Variants in ZBTB16 observed in about 807,000 individuals in gnomAD.
The protein encoded by ZBTB16 is zinc finger and BTB domain containing 16.
In ZBTB16, 8 loss-of-function variants were observed where a neutral mutation model predicts 56.8. The ratio of observed to expected loss-of-function variants is 0.14; its 90% CI spans 0.08 to 0.25. ZBTB16 has a LOEUF of 0.25. Among genes scored for constraint, ZBTB16 ranks in the 10% least tolerant of loss-of-function variants. The probability of loss-of-function intolerance (pLI) is 1.00; values close to 1 mark genes in which losing one functional copy is unlikely to be tolerated. For missense variants in ZBTB16, 625 were observed against 903.0 expected (o/e 0.69, Z 3.95); for synonymous variants, 363 against 368.5 (o/e 0.98, Z 0.17).
intron 4 of ZBTB16, among the ~76,000 whole-genome samples, chr11:114,230,470 T>C (rs777330521): frequency 8.5e-5 from 13 of 152,114 alleles, no homozygotes; most frequent in Non-Finnish European, 1.9e-4. Context: ...TTTTGGCTAT[T>C]GTGTGCCGTA....
chr11:114,167,384 TTG>T (rs147249178), intron 3 of ZBTB16, among the ~76,000 whole-genome samples: 18,333 of 99,880 alleles, frequency 0.18, 2,288 homozygotes, highest in African/African-American at 0.46. Context: ...GCGAGTTTTT[TTG>T]TTTTTTTTTT....
intron 2 of ZBTB16, among the ~76,000 whole-genome samples, chr11:114,079,246 A>G (rs1294311489): frequency 7.2e-5 from 11 of 152,156 alleles, no homozygotes; most frequent in Admixed American, 7.2e-4. Context: ...CACCTTGTCC[A>G]TGGTAATGAG....
At chr11:114,171,646 C>G (rs1376948027) in intron 3 of ZBTB16, among the ~76,000 whole-genome samples, 1 of 152,228 alleles carries the variant, frequency 6.6e-6, no homozygotes, top group Non-Finnish European at 1.5e-5. Context: ...GCCGGCGTGG[C>G]TTTCTTCCCT....
chr11:114,191,371 C>A (rs527942165), intron 4 of ZBTB16, among the ~76,000 whole-genome samples: 1 of 152,132 alleles, frequency 6.6e-6, no homozygotes, highest in East Asian at 1.9e-4. Flanking sequence ...TAAATACTTA[C>A]CACTGTGTTA....
At position 114,063,727 on chromosome 11, in the gene ZBTB16, G is replaced by A. The variant is rs1938980647; in HGVS notation, c.427G>A (p.Glu143Lys). 2 of 1,613,972 alleles carry A rather than the reference G, an allele frequency of 1.2e-6. No individual in the cohort carries two copies. The highest frequency in any genetic ancestry group is 2.2e-5 in the East Asian group (1 of 44,872). The change falls in exon 2 of 7, where the codon GAG becomes AAG. Residue 143 changes from glutamate (E) to lysine (K), a missense_variant. This residue lies in a region of ZBTB16 where 384 missense variants were observed against 393.5 expected (regional missense o/e 0.98). Transcript: ENST00000335953. This position sits in a 1 kb window ranked among gnomAD's most constrained non-coding sequence, Gnocchi z 6.5. ...TEATMADGGAEEEEDRKARYL... is the reference protein window; with the variant it reads ...TEATMADGGAKEEEDRKARYL... The stretch of plus-strand genomic sequence containing the variant: ...GGCCACCATGGCCGATGGCGGGGCC[G>A]AGGAAGAAGAGGACCGCAAGGCTCG...
intron 4 of ZBTB16, among the ~76,000 whole-genome samples, chr11:114,235,690 CTTTTCTTTCTTTCTTTT>C: frequency 1.5e-5 from 1 of 68,294 alleles, no homozygotes; most frequent in East Asian, 4.5e-4. Context: ...TTCTTTCTTT[CTTTTCTTTCTTTCTTTT>C]CTTTCTTTCT....
At chr11:114,125,559 A>AC (rs1941482723) in intron 2 of ZBTB16, among the ~76,000 whole-genome samples, 1 of 148,238 alleles carries the variant, frequency 6.7e-6, no homozygotes, top group Non-Finnish European at 1.5e-5. Context: ...TCCTTGTAGG[A>AC]CTTTTTTTTT....
rs1464816519 is a variant in ZBTB16, at chr11:114,255,227, G to A, written c.*4672G>A. 6.6e-6 allele frequency among the ~76,000 whole-genome samples: 1 copy of A among 152,200 alleles called. No individual in the cohort carries two copies. On this transcript the variant is annotated 3_prime_UTR_variant, in exon 7 of 7. Transcript: ENST00000335953. ...TTCGTTTTGTTATTTGTTTGTTTTT[G>A]TGGCTTGTCTTATGTCGTGATAGCA...
chr11:114,250,012 C>A lies in ZBTB16; in HGVS notation c.1793-314C>A, dbSNP rs1390497722. 6.6e-6 allele frequency among the ~76,000 whole-genome samples: 1 copy of A among 152,118 alleles called. No individual in the cohort carries two copies. Among genetic ancestry groups the A allele is most frequent in the African/African-American group, 2.4e-5 (1 of 41,424 alleles). On this transcript the variant is annotated intron_variant, in intron 6 of 6. Transcript: ENST00000335953. This position sits in a 1 kb window ranked among gnomAD's most constrained non-coding sequence, Gnocchi z 6.0. Reference sequence around the variant, plus strand: ...TAATTAGAAAGGGAAAAGACTGTGGCCTTGGGAGAGTTAAGAATAGTAAGA... The same window carrying A: ...TAATTAGAAAGGGAAAAGACTGTGGACTTGGGAGAGTTAAGAATAGTAAGA...
chr11:114,209,769 C>A, intron 4 of ZBTB16: 1 of 985,436 alleles, frequency 1.0e-6, no homozygotes, highest in Non-Finnish European at 1.2e-6. Context: ...CAGGAGTACA[C>A]CACAGCCCAG....
chr11:114,144,846 T>C (rs1185894415), intron 2 of ZBTB16, among the ~76,000 whole-genome samples: 3 of 152,236 alleles, frequency 2.0e-5, no homozygotes, highest in Non-Finnish European at 4.4e-5. Flanking sequence ...TCTTATATTT[T>C]CAACTAAATC....
At chr11:114,247,436 T>G in intron 6 of ZBTB16, 71 bp downstream of exon 6, 1 of 1,597,970 alleles carries the variant, frequency 6.3e-7, no homozygotes, top group Non-Finnish European at 8.6e-7. Flanking sequence ...GATAGTCTCC[T>G]AGAGAAGCCT....
chr11:114,244,759 C>T (rs1225528309), intron 5 of ZBTB16, among the ~76,000 whole-genome samples: 3 of 152,006 alleles, frequency 2.0e-5, no homozygotes, highest in East Asian at 1.9e-4. Flanking sequence ...TCCTAAAAAT[C>T]GGATCAAACA....
chr11:114,103,387 C>T (rs1940681606), intron 2 of ZBTB16, among the ~76,000 whole-genome samples: 1 of 152,204 alleles, frequency 6.6e-6, no homozygotes, highest in Non-Finnish European at 1.5e-5. Flanking sequence ...GCTGAACACC[C>T]TGCTTAAAAA....
intron 4 of ZBTB16, chr11:114,209,448 G>A (rs1179635692): frequency 1.0e-6 from 1 of 985,262 alleles, no homozygotes; most frequent in Non-Finnish European, 1.2e-6. Context: ...CCTGGATTCA[G>A]AGCCTTCACA....
chr11:114,069,386 A>G (rs1426770959), intron 2 of ZBTB16, among the ~76,000 whole-genome samples: 1 of 152,164 alleles, frequency 6.6e-6, no homozygotes, highest in Non-Finnish European at 1.5e-5. Context: ...CGCCCGGCCT[A>G]TTGCCTGGTT....
At chr11:114,240,019 ATAAGG>A (rs747489133) in intron 4 of ZBTB16, among the ~76,000 whole-genome samples, 23 of 152,236 alleles carry the variant, frequency 1.5e-4, no homozygotes, top group Non-Finnish European at 2.9e-4. Flanking sequence ...GACAACATAG[ATAAGG>A]TACCTAGCAT....
In ZBTB16 at chr11:114,252,422, G is replaced by T. The variant is rs989051841; in HGVS notation, c.*1867G>T. Among the ~76,000 whole-genome samples, 1 of 151,864 alleles carries T rather than the reference G, an allele frequency of 6.6e-6. No individual in the cohort carries two copies. The highest frequency in any genetic ancestry group is 1.5e-5 in the Non-Finnish European group (1 of 67,960). On this transcript the variant is annotated 3_prime_UTR_variant, in exon 7 of 7. Transcript: ENST00000335953. ...AGCCTTTGTTTTGTTGTGTTGGGGT[G>T]GGGGTGTTGTTTTTCTAAAAGCTAC...
At chr11:114,247,455 A>T (rs1944837609) in intron 6 of ZBTB16, 90 bp downstream of exon 6, 5 of 1,564,202 alleles carry the variant, frequency 3.2e-6, no homozygotes, top group Non-Finnish European at 4.4e-6. Flanking sequence ...CTAAGTGAGG[A>T]TGATCCCAGG....
Sources: allele counts gnomAD v4.1 joint callset (sites outside exome capture counted in the v4.1 genomes callset), GRCh38; gene constraint gnomAD v4.1.1; regional missense constraint gnomAD v4.1.1; non-coding constraint Gnocchi (gnomAD v3.1); transcripts MANE v1.5; gene names NCBI Gene and HGNC (gene_info 2026-07-23, HGNC 2026-07-21).